Variants in CSMD1 observed in about 807,000 individuals in gnomAD.
The protein encoded by CSMD1 is CUB and sushi domain-containing protein 1.
In CSMD1, 213 loss-of-function variants were observed where a neutral mutation model predicts 417.5. That is an observed-to-expected ratio of 0.51 (90% confidence interval 0.46 to 0.57). CSMD1 has a LOEUF of 0.57. Among genes scored for constraint, CSMD1 ranks in the 20% least tolerant of loss-of-function variants. The pLI, the probability that CSMD1 is intolerant of heterozygous loss-of-function variation, is 0.00. For synonymous variants in CSMD1, 2,862 were observed against 1,736.8 expected (o/e 1.65, Z -16.11); for missense variants, 6,923 against 4,529.7 (o/e 1.53, Z -15.17).
At chr8:4,071,614 G>C (rs1221152783) in intron 3 of CSMD1, among the ~76,000 whole-genome samples, 5 of 151,986 alleles carry the variant, frequency 3.3e-5, no homozygotes, top group African/African-American at 7.2e-5. Flanking sequence ...GGGCCTTTTA[G>C]TTTTTAATTC....
At chr8:4,298,179 G>A (rs186179463) in intron 3 of CSMD1, among the ~76,000 whole-genome samples, 2 of 152,082 alleles carry the variant, frequency 1.3e-5, no homozygotes, top group African/African-American at 2.4e-5. Context: ...TAATTTTGAG[G>A]AATCTGCCTT....
At chr8:3,727,167 C>A (rs1445901950) in intron 6 of CSMD1, among the ~76,000 whole-genome samples, 1 of 152,114 alleles carries the variant, frequency 6.6e-6, no homozygotes, top group Admixed American at 6.5e-5. Flanking sequence ...ATTTTAAAAC[C>A]ATACTTAGAG....
At chr8:4,662,128 T>G (rs1226445597) in intron 1 of CSMD1, among the ~76,000 whole-genome samples, 2 of 152,122 alleles carry the variant, frequency 1.3e-5, no homozygotes, top group African/African-American at 4.8e-5. Context: ...TTCTAATAGA[T>G]TGCAGTACAA....
intron 26 of CSMD1, among the ~76,000 whole-genome samples, chr8:3,268,431 G>A (rs1801596011): frequency 6.6e-6 from 1 of 151,418 alleles, no homozygotes; most frequent in Non-Finnish European, 1.5e-5. Flanking sequence ...TGGGACTACA[G>A]GTGCCCGCCA....
Position 4,032,811 on chromosome 8 carries a change from C to T in CSMD1, c.416-712G>A, listed in dbSNP as rs945580840. On this transcript the variant is annotated intron_variant, in intron 3 of 69. Coordinates refer to ENST00000635120, the MANE Select transcript of CSMD1 (RefSeq NM_033225.6). ...AAAAATAATAAAATTCAAAGGCCGT[C>T]AACCATCTGAATGGACACATCCTCT... is the stretch of plus-strand genomic sequence containing the variant. Among the ~76,000 whole-genome samples, 5 of 152,270 alleles carry T rather than the reference C, an allele frequency of 3.3e-5. No individual in the cohort carries two copies. In the East Asian group the frequency reaches 9.7e-4, roughly 29 times the overall value.
intron 3 of CSMD1, among the ~76,000 whole-genome samples, chr8:4,062,949 T>C (rs1420186541): frequency 6.6e-6 from 1 of 152,060 alleles, no homozygotes; most frequent in African/African-American, 2.4e-5. Flanking sequence ...AAAAAGCTGT[T>C]AACAACATCA....
chr8:3,046,490 T>G (rs1048141058), intron 50 of CSMD1, among the ~76,000 whole-genome samples: 1 of 152,272 alleles, frequency 6.6e-6, no homozygotes, highest in East Asian at 1.9e-4. Context: ...GAGCTAACAG[T>G]GCGCTCAAAT....
At chr8:3,167,345 T>C (rs955069030) in intron 37 of CSMD1, among the ~76,000 whole-genome samples, 7 of 151,800 alleles carry the variant, frequency 4.6e-5, no homozygotes, top group African/African-American at 1.7e-4. Flanking sequence ...CTATCACTTT[T>C]AATGGCAAAA....
At chr8:3,361,809 A>G (rs1809201708) in intron 20 of CSMD1, among the ~76,000 whole-genome samples, 2 of 152,184 alleles carry the variant, frequency 1.3e-5, no homozygotes, top group East Asian at 3.8e-4. Context: ...TGTAGTTTAT[A>G]CAATATCCTC....
At chr8:3,704,321 C>G (rs1366455039) in intron 7 of CSMD1, among the ~76,000 whole-genome samples, 1 of 152,076 alleles carries the variant, frequency 6.6e-6, no homozygotes, top group Non-Finnish European at 1.5e-5. Flanking sequence ...AGCGAGCTCC[C>G]AGGAAAAATT....
At chr8:4,628,407 C>CACATATATATAT (rs1175859250) in intron 2 of CSMD1, among the ~76,000 whole-genome samples, 12 of 114,484 alleles carry the variant, frequency 1.0e-4, no homozygotes, top group Middle Eastern at 5.2e-3. Flanking sequence ...CATATATATA[C>CACATATATATAT]ACATATATAT....
Position 3,704,093 on chromosome 8 carries a change from T to G in CSMD1, c.1009+4321A>C, listed in dbSNP as rs549945492. ...CTCAAAAAACAAAAACAAAAAAACT[T>G]AGCTCTCTTAAGTCTTATAATTAGA... On this transcript the variant is annotated intron_variant, in intron 7 of 69. Coordinates refer to ENST00000635120, the MANE Select transcript of CSMD1 (RefSeq NM_033225.6). 6.6e-5 allele frequency among the ~76,000 whole-genome samples: 10 copies of G among 152,144 alleles called. No homozygotes were observed. The East Asian group carries it at 1.9e-3, about 29-fold the overall frequency.
In CSMD1 at chr8:3,806,403, G is replaced by T. The variant is rs145980166; in HGVS notation, c.819-52361C>A. On this transcript the variant is annotated intron_variant, in intron 5 of 69. Coordinates refer to ENST00000635120, the MANE Select transcript of CSMD1 (RefSeq NM_033225.6). ...AAGCCTGTGGGACACAAAAGCGTGT[G>T]TGAAGCCCTCAAGCATCCTGATACG... Among the ~76,000 whole-genome samples, 204 of 152,324 alleles carry T rather than the reference G, an allele frequency of 1.3e-3. 1 individual carries two copies. In the East Asian group the frequency reaches 0.015, roughly 11 times the overall value.
At chr8:3,540,809 G>C (rs928793986) in intron 10 of CSMD1, among the ~76,000 whole-genome samples, 3 of 152,104 alleles carry the variant, frequency 2.0e-5, no homozygotes, top group Non-Finnish European at 4.4e-5. Context: ...AAGTAAAGAA[G>C]TGCAAATCAA....
At chr8:4,362,093 A>AC (rs2128908058) in intron 3 of CSMD1, among the ~76,000 whole-genome samples, 1 of 152,268 alleles carries the variant, frequency 6.6e-6, no homozygotes, top group East Asian at 1.9e-4. Flanking sequence ...ATTGATATAC[A>AC]AATGAGAACA....
chr8:3,600,294 T>C (rs1219436178), intron 8 of CSMD1, among the ~76,000 whole-genome samples: 1 of 152,220 alleles, frequency 6.6e-6, no homozygotes, highest in Non-Finnish European at 1.5e-5. Flanking sequence ...TAGAATTTGG[T>C]GCCAAAGGGC....
intron 3 of CSMD1, among the ~76,000 whole-genome samples, chr8:4,121,778 A>G (rs1385689167): frequency 6.6e-6 from 1 of 152,116 alleles, no homozygotes; most frequent in Admixed American, 6.6e-5. Context: ...CAAAGGTAAT[A>G]TTACAGTACA....
intron 2 of CSMD1, among the ~76,000 whole-genome samples, chr8:4,453,134 C>T (rs13253098): frequency 0.21 from 32,188 of 151,804 alleles, 3,812 homozygotes; most frequent in Middle Eastern, 0.31. Context: ...ACACATGTGT[C>T]ACCAATTTGA....
intron 10 of CSMD1, among the ~76,000 whole-genome samples, chr8:3,496,942 A>G (rs956261504): frequency 5.9e-5 from 9 of 152,200 alleles, no homozygotes; most frequent in African/African-American, 2.2e-4. Flanking sequence ...ATGTATTCGT[A>G]CAATTTTGAA....
Sources: gnomAD v4.1 joint callset for allele counts (sites outside exome capture counted in the v4.1 genomes callset) on GRCh38, gnomAD v4.1.1 for gene constraint, MANE v1.5 for transcripts, NCBI Gene and HGNC (gene_info 2026-07-23, HGNC 2026-07-21) for gene names.